The following DDC variants were observed in gnomAD, a reference collection of about 807,000 sequenced individuals.
The protein encoded by DDC is dopa decarboxylase.
In DDC, 43 loss-of-function variants were observed where a neutral mutation model predicts 60.0. That is an observed-to-expected ratio of 0.72 (90% confidence interval 0.56 to 0.92). The LOEUF is 0.92. Ranked by LOEUF, DDC falls within the 40% of genes least tolerant of loss-of-function variation. The pLI, the probability that DDC is intolerant of heterozygous loss-of-function variation, is 0.00. For synonymous variants in DDC, 232 were observed against 234.6 expected (o/e 0.99, Z 0.10); for missense variants, 573 against 620.2 (o/e 0.92, Z 0.81).
chr7:50,522,205 G>A (rs73123221), intron 6 of DDC, among the ~76,000 whole-genome samples: 41 of 148,180 alleles, frequency 2.8e-4, no homozygotes, highest in African/African-American at 2.5e-4. Flanking sequence ...AAAGTAAAAA[G>A]AAAAAAAAAA....
Position 50,479,779 on chromosome 7 carries a change from C to G in DDC, c.1021+8G>C. 5.0e-6 allele frequency: 8 copies of G among 1,612,954 alleles called. No individual in the cohort carries two copies. The highest frequency in any genetic ancestry group is 6.8e-6 in the Non-Finnish European group (8 of 1,179,510). ...AAACAGTCCACAGAAAGCAGGCTCA[C>G]AGCTTACCTGAATCCTGATGGCTGT... On this transcript the variant is annotated splice_region_variant and intron_variant, in intron 10 of 14. Coordinates refer to ENST00000444124, the MANE Select transcript of DDC (RefSeq NM_001082971.2).
chr7:50,512,436 T>C (rs529054744), intron 6 of DDC, among the ~76,000 whole-genome samples: 1 of 152,336 alleles, frequency 6.6e-6, no homozygotes, highest in South Asian at 2.1e-4. Context: ...CTGGGGTCTA[T>C]TGAAGGCTTG....
rs373966178 is a variant in DDC at position 50,479,798 on chromosome 7, T to C, written c.1010A>G (p.His337Arg). ...GGCTCACAGCTTACCTGAATCCTGATGGCTGTGCTTCAGGTAAGTGGGGTC... is the reference window on the plus strand; with the variant it reads ...GGCTCACAGCTTACCTGAATCCTGACGGCTGTGCTTCAGGTAAGTGGGGTC... ...RLDPTYLKHS[H>R]QDSGLITDYR... Residue 337 changes from histidine (H) to arginine (R), a missense_variant, in exon 10 of 15, where the codon CAT becomes CGT. Physicochemically the swap from His to Arg is conservative, Grantham distance 29. Coordinates refer to ENST00000444124, the MANE Select transcript of DDC (RefSeq NM_001082971.2). 14 of 1,613,484 alleles carry C rather than the reference T, an allele frequency of 8.7e-6. No individual in the cohort carries two copies. Among genetic ancestry groups the C allele is most frequent in the Non-Finnish European group, 1.2e-5 (14 of 1,179,786 alleles).
intron 9 of DDC, among the ~76,000 whole-genome samples, chr7:50,483,903 C>CAA (rs34971815): frequency 0.065 from 9,074 of 139,168 alleles, 289 homozygotes; most frequent in Middle Eastern, 0.082. Context: ...GATTCCATCT[C>CAA]AAAAAAAAAA....
At chr7:50,539,343 G>A (rs1372611307) in intron 3 of DDC, among the ~76,000 whole-genome samples, 1 of 151,348 alleles carries the variant, frequency 6.6e-6, no homozygotes, top group Non-Finnish European at 1.5e-5. Flanking sequence ...GTCACGGGCA[G>A]AGCCAGCCCT....
chr7:50,545,167 G>A (rs778970360), intron 1 of DDC, among the ~76,000 whole-genome samples: 3 of 152,242 alleles, frequency 2.0e-5, no homozygotes, highest in Non-Finnish European at 2.9e-5. Flanking sequence ...CAAGAAGGTA[G>A]TGTGTCCCTT....
chr7:50,543,870 T>G lies in DDC; in HGVS notation c.201+15A>C. On this transcript the variant is annotated intron_variant, in intron 2 of 14. Coordinates refer to ENST00000444124, the MANE Select transcript of DDC (RefSeq NM_001082971.2). The stretch of plus-strand genomic sequence containing the variant: ...TTCTAGCCCTCCTGTTTTCTGACCT[T>G]GGATACACACTTACCCCAGGCATGA... 1 of 1,613,140 alleles carries G rather than the reference T, an allele frequency of 6.2e-7. No homozygotes were observed. The highest frequency in any genetic ancestry group is 1.7e-4 in the Middle Eastern group (1 of 6,060).
intron 11 of DDC, among the ~76,000 whole-genome samples, chr7:50,473,256 G>A (rs1462537208): frequency 6.6e-6 from 1 of 152,200 alleles, no homozygotes; most frequent in Admixed American, 6.5e-5. Context: ...AAGCTGGGCT[G>A]AGAGGTGCCC....
intron 1 of DDC, among the ~76,000 whole-genome samples, chr7:50,565,068 C>T (rs2045399942): frequency 6.6e-6 from 1 of 152,200 alleles, no homozygotes; most frequent in South Asian, 2.1e-4. Context: ...ACATGTGTCA[C>T]TGGAGTGACT....
At chr7:50,527,186 G>A (rs1409432686) in intron 6 of DDC, among the ~76,000 whole-genome samples, 1 of 152,146 alleles carries the variant, frequency 6.6e-6, no homozygotes, top group East Asian at 1.9e-4. Flanking sequence ...TGATATGTAA[G>A]CCTTCTTTTT....
chr7:50,487,857 A>G (rs1379304952), intron 9 of DDC, among the ~76,000 whole-genome samples: 1 of 152,130 alleles, frequency 6.6e-6, no homozygotes, highest in Non-Finnish European at 1.5e-5. Flanking sequence ...TTTTATATTT[A>G]TGTTTGCTAA....
At chr7:50,500,228 C>T (rs1288375573) in intron 7 of DDC, among the ~76,000 whole-genome samples, 1 of 151,946 alleles carries the variant, frequency 6.6e-6, no homozygotes, top group Non-Finnish European at 1.5e-5. Flanking sequence ...TCCATGGATT[C>T]ACCGTTCACT....
intron 11 of DDC, among the ~76,000 whole-genome samples, chr7:50,472,006 G>A (rs113916796): frequency 3.3e-5 from 5 of 152,090 alleles, no homozygotes; most frequent in African/African-American, 4.8e-5. Context: ...CTGTGGTCCC[G>A]GAGTGAAAAT....
At chr7:50,517,867 A>G (rs563893254) in intron 6 of DDC, among the ~76,000 whole-genome samples, 2 of 150,942 alleles carry the variant, frequency 1.3e-5, no homozygotes, top group African/African-American at 4.8e-5. Context: ...ATACCTAACC[A>G]AGGAGTTGAA....
At chr7:50,472,581 T>C (rs2042558100) in intron 11 of DDC, among the ~76,000 whole-genome samples, 4 of 152,186 alleles carry the variant, frequency 2.6e-5, no homozygotes, top group South Asian at 2.1e-4. Flanking sequence ...TGTCTTTCAA[T>C]AGGTTCAGCA....
chr7:50,491,306 TTTTG>T (rs911598738), intron 9 of DDC, among the ~76,000 whole-genome samples: 3 of 152,138 alleles, frequency 2.0e-5, no homozygotes, highest in South Asian at 2.1e-4. Flanking sequence ...CTCCCTTTAT[TTTTG>T]TTTGTTTGTT....
At chr7:50,529,418 T>C (rs572595550) in intron 4 of DDC, 76 bp from the exon 5 acceptor site, 353 of 1,546,038 alleles carry the variant, frequency 2.3e-4, no homozygotes, top group Middle Eastern at 1.2e-3. Flanking sequence ...GGAAGACATA[T>C]TGTTTTGTGT....
chr7:50,476,694 T>C (rs747138177), intron 10 of DDC, 51 bp from the exon 11 acceptor site: 7 of 1,510,044 alleles, frequency 4.6e-6, no homozygotes, highest in Non-Finnish European at 6.4e-6. Context: ...ACAGGTTTGT[T>C]GATCACACGC....
At chr7:50,532,319 G>A (rs2044244039) in intron 4 of DDC, among the ~76,000 whole-genome samples, 1 of 152,220 alleles carries the variant, frequency 6.6e-6, no homozygotes, top group Non-Finnish European at 1.5e-5. Context: ...TTAAAGCGGG[G>A]GCTGAGAGAT....
Sources: gnomAD v4.1 joint callset for allele counts (sites outside exome capture counted in the v4.1 genomes callset) on GRCh38, gnomAD v4.1.1 for gene constraint, MANE v1.5 for transcripts, NCBI Gene and HGNC (gene_info 2026-07-23, HGNC 2026-07-21) for gene names.